Variants in PPP1R1C observed in about 807,000 individuals in gnomAD.
PPP1R1C encodes the protein protein phosphatase 1 regulatory inhibitor subunit 1C.
In PPP1R1C, 15 loss-of-function variants were observed where a neutral mutation model predicts 17.4. The observed-to-expected ratio is 0.86, with a 90% CI of 0.58 to 1.33. The LOEUF (loss-of-function observed/expected upper bound fraction) is 1.33. Among genes scored for constraint, PPP1R1C ranks in the 40% most tolerant of loss-of-function variants. The pLI, the probability that PPP1R1C is intolerant of heterozygous loss-of-function variation, is 0.00. For synonymous variants in PPP1R1C, 35 were observed against 43.1 expected (o/e 0.81, Z 0.73); for missense variants, 143 against 130.0 (o/e 1.10, Z -0.48).
At chr2:182,082,031 TAAAC>T (rs3064013) in intron 4 of PPP1R1C, among the ~76,000 whole-genome samples, 4,063 of 152,184 alleles carry the variant, frequency 0.027, 92 homozygotes, top group African/African-American at 0.057. Flanking sequence ...CTTAAAGAAA[TAAAC>T]AAAAGCTATT....
At chr2:181,975,593 G>C (rs1382407719) in intron 2 of PPP1R1C, among the ~76,000 whole-genome samples, 1 of 151,756 alleles carries the variant, frequency 6.6e-6, no homozygotes, top group African/African-American at 2.4e-5. Flanking sequence ...TAAAATAATA[G>C]CTATTTAACA....
intron 2 of PPP1R1C, among the ~76,000 whole-genome samples, chr2:181,997,206 G>A (rs1685637904): frequency 6.7e-6 from 1 of 149,490 alleles, no homozygotes; most frequent in African/African-American, 2.5e-5. Context: ...TCCAGCCTGG[G>A]CGACAGAGCA....
intron 2 of PPP1R1C, among the ~76,000 whole-genome samples, chr2:182,056,127 C>T (rs1687677768): frequency 6.6e-6 from 1 of 152,092 alleles, no homozygotes; most frequent in African/African-American, 2.4e-5. Context: ...CTAAAATGAC[C>T]ACTTTCTCCC....
intron 4 of PPP1R1C, among the ~76,000 whole-genome samples, chr2:182,102,360 G>C (rs1011171073): frequency 8.5e-5 from 13 of 152,146 alleles, no homozygotes; most frequent in Admixed American, 3.3e-4. Flanking sequence ...TAAAGTTATA[G>C]ACTATTTCTA....
intron 2 of PPP1R1C, among the ~76,000 whole-genome samples, chr2:182,028,060 C>A: frequency 7.7e-6 from 1 of 129,158 alleles, no homozygotes; most frequent in African/African-American, 2.9e-5. Flanking sequence ...TGGTGATATC[C>A]CCTTTATCAT....
intron 4 of PPP1R1C, among the ~76,000 whole-genome samples, chr2:182,067,208 T>C (rs1254854217): frequency 6.6e-6 from 1 of 152,122 alleles, no homozygotes; most frequent in East Asian, 1.9e-4. Context: ...TCATGATTTC[T>C]TGTAAAGACT....
At chr2:182,126,029 A>T (rs1408024065) in intron 5 of PPP1R1C, among the ~76,000 whole-genome samples, 1 of 151,954 alleles carries the variant, frequency 6.6e-6, no homozygotes, top group East Asian at 1.9e-4. Context: ...GATCTTTCCC[A>T]CTTTCTAATG....
chr2:182,023,305 T>C (rs539606580), intron 2 of PPP1R1C, among the ~76,000 whole-genome samples: 46 of 152,084 alleles, frequency 3.0e-4, no homozygotes, highest in African/African-American at 7.0e-4. Flanking sequence ...CACTACTGAA[T>C]TGATGAATAA....
At chr2:182,047,334 T>C (rs1209200645) in intron 2 of PPP1R1C, among the ~76,000 whole-genome samples, 1 of 152,214 alleles carries the variant, frequency 6.6e-6, no homozygotes, top group Non-Finnish European at 1.5e-5. Flanking sequence ...AATATATTAT[T>C]GGAAAAGGAT....
At chr2:182,034,576 C>A (rs372682707) in intron 2 of PPP1R1C, among the ~76,000 whole-genome samples, 21 of 152,284 alleles carry the variant, frequency 1.4e-4, no homozygotes, top group African/African-American at 4.6e-4. Flanking sequence ...CACAAATAGA[C>A]TATAAACTTT....
At chr2:182,124,681 A>G (rs998042238) in intron 5 of PPP1R1C, among the ~76,000 whole-genome samples, 2 of 151,704 alleles carry the variant, frequency 1.3e-5, no homozygotes, top group Admixed American at 1.3e-4. Context: ...TGTTCACATG[A>G]TTTTGCTCTC....
At chr2:182,037,354 CA>C (rs1687041993) in intron 2 of PPP1R1C, among the ~76,000 whole-genome samples, 1 of 152,086 alleles carries the variant, frequency 6.6e-6, no homozygotes, top group African/African-American at 2.4e-5. Flanking sequence ...TTTGGGAGGC[CA>C]AGGCCAGAGG....
chr2:182,033,690 C>T (rs913211058), intron 2 of PPP1R1C, among the ~76,000 whole-genome samples: 4 of 152,132 alleles, frequency 2.6e-5, no homozygotes, highest in African/African-American at 9.7e-5. Flanking sequence ...TCTTTTCCAA[C>T]AGTCATATTC....
intron 1 of PPP1R1C, among the ~76,000 whole-genome samples, chr2:181,963,169 G>T (rs970691018): frequency 6.6e-6 from 1 of 152,140 alleles, no homozygotes; most frequent in African/African-American, 2.4e-5. Context: ...GTTTGATAAA[G>T]ATCATTATAA....
intron 2 of PPP1R1C, among the ~76,000 whole-genome samples, chr2:182,005,680 C>T (rs578147905): frequency 6.6e-6 from 1 of 152,258 alleles, no homozygotes; most frequent in South Asian, 2.1e-4. Context: ...ATTTTCAAGT[C>T]TCAAATACGA....
At chr2:182,101,039 G>T (rs1306736683) in intron 4 of PPP1R1C, among the ~76,000 whole-genome samples, 1 of 152,168 alleles carries the variant, frequency 6.6e-6, no homozygotes, top group East Asian at 1.9e-4. Context: ...ACTGCTGAAA[G>T]AACTAAACAG....
At chr2:182,017,441 C>T (rs1172241907) in intron 2 of PPP1R1C, among the ~76,000 whole-genome samples, 1 of 152,028 alleles carries the variant, frequency 6.6e-6, no homozygotes, top group East Asian at 1.9e-4. Context: ...CTTATTTCTC[C>T]TTGCTCATTG....
At chr2:182,043,263 T>G (rs1419272745) in intron 2 of PPP1R1C, among the ~76,000 whole-genome samples, 1 of 152,190 alleles carries the variant, frequency 6.6e-6, no homozygotes, top group Non-Finnish European at 1.5e-5. Flanking sequence ...CACCAAAATT[T>G]TATTTTACAA....
upstream of PPP1R1C, among the ~76,000 whole-genome samples, chr2:181,981,024 G>A (rs1471412393): frequency 1.3e-5 from 2 of 150,220 alleles, no homozygotes; most frequent in African/African-American, 4.9e-5. Flanking sequence ...CGCCTCCCGG[G>A]TTCACGCCAT....
Sources: gnomAD v4.1 joint callset for allele counts (sites outside exome capture counted in the v4.1 genomes callset) on GRCh38, gnomAD v4.1.1 for gene constraint, MANE v1.5 for transcripts, NCBI Gene and HGNC (gene_info 2026-07-23, HGNC 2026-07-21) for gene names.